The following ZSCAN25 variants were observed in gnomAD, a reference collection of about 807,000 sequenced individuals.
ZSCAN25 encodes the protein zinc finger and SCAN domain containing 25, also known as zinc finger and SCAN domain-containing protein 25.
In ZSCAN25, 27 loss-of-function variants were observed where a neutral mutation model predicts 38.7. The ratio of observed to expected loss-of-function variants is 0.70; its 90% CI spans 0.51 to 0.96. ZSCAN25 has a LOEUF of 0.96. Ranked by LOEUF, ZSCAN25 falls within the 40% of genes least tolerant of loss-of-function variation. The probability of loss-of-function intolerance (pLI) is 0.00; values close to 1 mark genes in which losing one functional copy is unlikely to be tolerated. For synonymous variants in ZSCAN25, 273 were observed against 277.7 expected, an observed-to-expected ratio of 0.98 and a Z score of 0.17; for missense variants, 637 against 705.9, an observed-to-expected ratio of 0.90 and a Z score of 1.11.
the ZSCAN25 span, among the ~76,000 whole-genome samples, chr7:99,693,028 T>C: frequency 6.6e-6 from 1 of 152,232 alleles, no homozygotes; most frequent in Non-Finnish European, 1.5e-5. Context: ...CCCATCTTTA[T>C]GGTTTTATCT....
chr7:99,685,369 AGGGAG>A, the ZSCAN25 span: 1 of 1,180,316 alleles, frequency 8.5e-7, no homozygotes, highest in Non-Finnish European at 1.2e-6. Context: ...GTGGAAATTC[AGGGAG>A]GTAAAGCAAG....
At chr7:99,617,298 G>A (rs1466763275) in intron 1 of ZSCAN25, among the ~76,000 whole-genome samples, 1 of 152,226 alleles carries the variant, frequency 6.6e-6, no homozygotes, top group East Asian at 1.9e-4. Flanking sequence ...GGCTGGCCAC[G>A]AACCCGAAGA....
At chr7:99,674,667 C>T in the ZSCAN25 span, 5,024 of 1,196,904 alleles carry the variant, frequency 4.2e-3, 20 homozygotes, top group African/African-American at 0.016. Context: ...AAAACAGTTG[C>T]GTCCAATGAA....
the ZSCAN25 span, among the ~76,000 whole-genome samples, chr7:99,730,372 A>G: frequency 1.3e-5 from 2 of 152,238 alleles, no homozygotes; most frequent in South Asian, 4.1e-4. Context: ...TCTCAGTTAC[A>G]TCCACTCCCT....
chr7:99,688,805 A>G, the ZSCAN25 span, among the ~76,000 whole-genome samples: 1 of 152,256 alleles, frequency 6.6e-6, no homozygotes, highest in African/African-American at 2.4e-5. Context: ...AACAGAAATT[A>G]TAACAAACTG....
Position 99,629,065 on chromosome 7 carries a change from TTGAG to T in ZSCAN25, c.806-125_806-122del. 1.5e-6 allele frequency: 2 copies of T among 1,303,778 alleles called. No individual in the cohort carries two copies. Among genetic ancestry groups the T allele is most frequent in the South Asian group, 1.6e-5 (1 of 61,392 alleles). The allele number at this position is 1,303,778 out of a possible 1,614,324, so 80.8% of individuals were successfully genotyped here. ...GAAAAAGAAGTAAGGAAAGCCTGAGTTGAGGTTGTTGGTCAAAGGAAAAAAGAGA... is the reference window on the plus strand; with the variant it reads ...GAAAAAGAAGTAAGGAAAGCCTGAGTGTTGTTGGTCAAAGGAAAAAAGAGA... On this transcript the variant is annotated intron_variant, in intron 7 of 7. Coordinates refer to ENST00000394152, the MANE Select transcript of ZSCAN25 (RefSeq NM_145115.3). The surrounding 1 kb of genome is among the most constrained non-coding windows in gnomAD (Gnocchi z 5.6).
In ZSCAN25 at chr7:99,629,329, G is replaced by C. The variant is rs377568906; in HGVS notation, c.944G>C (p.Gly315Ala). 2.5e-6 allele frequency: 4 copies of C among 1,614,160 alleles called. No individual in the cohort carries two copies. In the Admixed American group the frequency reaches 5.0e-5, roughly 20 times the overall value. ...GGAAGGGTCTGTGAGCAGGAGCCTGGTGGCCCTGCAGGCAGTGCGCCTGGG... is the reference window on the plus strand; with the variant it reads ...GGAAGGGTCTGTGAGCAGGAGCCTGCTGGCCCTGCAGGCAGTGCGCCTGGG... ...GLGRVCEQEP[G>A]GPAGSAPGLP... The change falls in exon 8 of 8, where the codon GGT (glycine) becomes GCT (alanine). Residue 315 changes from glycine (G) to alanine (A), a missense_variant. Physicochemically the swap from Gly to Ala is moderately conservative, Grantham distance 60. Coordinates refer to ENST00000394152, the MANE Select transcript of ZSCAN25 (RefSeq NM_145115.3). This position sits in a 1 kb window ranked among gnomAD's most constrained non-coding sequence, Gnocchi z 5.6.
the ZSCAN25 span, among the ~76,000 whole-genome samples, chr7:99,726,876 C>T: frequency 6.6e-6 from 1 of 152,222 alleles, no homozygotes; most frequent in Non-Finnish European, 1.5e-5. Context: ...CATAATTCTT[C>T]ATGAAAACAC....
chr7:99,682,285 G>A, the ZSCAN25 span, among the ~76,000 whole-genome samples: 21 of 152,210 alleles, frequency 1.4e-4, no homozygotes, highest in East Asian at 3.3e-3. Flanking sequence ...TCAGTCTTTC[G>A]TCCACCTTGA....
chr7:99,651,230 TG>T, the ZSCAN25 span, among the ~76,000 whole-genome samples: 1 of 152,220 alleles, frequency 6.6e-6, no homozygotes, highest in African/African-American at 2.4e-5. Context: ...AACATGTACT[TG>T]TGTATATGTC....
At position 99,630,182 on chromosome 7, in the gene ZSCAN25, A is replaced by C; in HGVS notation, c.*162A>C. 7.1e-7 allele frequency: 1 copy of C among 1,402,914 alleles called. No individual in the cohort carries two copies. Among genetic ancestry groups the C allele is most frequent in the Non-Finnish European group, 9.2e-7 (1 of 1,084,268 alleles). 86.9% of individuals were successfully genotyped at this position (1,402,914 alleles called of 1,614,324 possible). A position where few individuals can be genotyped will look rare whatever the true frequency, so the allele number is the denominator to read the frequency against. On this transcript the variant is annotated 3_prime_UTR_variant, in exon 8 of 8. Transcript: ENST00000394152. ...GGCTTACTTAGAGCTTCCAGAGAGC[A>C]TAGCTGCTTCCATCTCTTACCCAAG...
At chr7:99,633,239 T>C (rs760527325), downstream of ZSCAN25, among the ~76,000 whole-genome samples, 1 of 152,272 alleles carries the variant, frequency 6.6e-6, no homozygotes, top group Non-Finnish European at 1.5e-5. Context: ...TAGAAGTGTT[T>C]AGTGGTGTAA....
the ZSCAN25 span, among the ~76,000 whole-genome samples, chr7:99,682,499 C>T: frequency 7.9e-5 from 12 of 152,184 alleles, no homozygotes; most frequent in Non-Finnish European, 1.0e-4. Flanking sequence ...TGTTTTTATA[C>T]AAGTACCATA....
the ZSCAN25 span, chr7:99,638,280 C>T: frequency 1.2e-6 from 2 of 1,604,242 alleles, no homozygotes; most frequent in Non-Finnish European, 1.7e-6. Context: ...GAGCCCCTCA[C>T]AGAGTCCGTC....
At chr7:99,701,040 C>G in the ZSCAN25 span, among the ~76,000 whole-genome samples, 1 of 152,136 alleles carries the variant, frequency 6.6e-6, no homozygotes, top group Non-Finnish European at 1.5e-5. Context: ...GAAGAACACC[C>G]AACCACCCTG....
At chr7:99,730,054 C>A in the ZSCAN25 span, among the ~76,000 whole-genome samples, 1 of 152,144 alleles carries the variant, frequency 6.6e-6, no homozygotes, top group East Asian at 1.9e-4. Flanking sequence ...GTATGCAGGT[C>A]AGATTGTCTA....
At chr7:99,737,556 C>T in the ZSCAN25 span, among the ~76,000 whole-genome samples, 1 of 152,102 alleles carries the variant, frequency 6.6e-6, no homozygotes, top group African/African-American at 2.4e-5. Context: ...ATTCCAGTGT[C>T]ATCTGATAAC....
At chr7:99,722,498 A>G in the ZSCAN25 span, 1 of 962,894 alleles carries the variant, frequency 1.0e-6, no homozygotes, top group Non-Finnish European at 1.5e-6. Flanking sequence ...GAGAAAGGAA[A>G]CAAAATAGAG....
At chr7:99,648,625 ACT>A in the ZSCAN25 span, among the ~76,000 whole-genome samples, 1 of 150,828 alleles carries the variant, frequency 6.6e-6, no homozygotes, top group African/African-American at 2.4e-5. Context: ...TGGAGCACTG[ACT>A]CTGTGCCAGG....
Sources: gnomAD v4.1 joint callset for allele counts (sites outside exome capture counted in the v4.1 genomes callset) on GRCh38, gnomAD v4.1.1 for gene constraint, Gnocchi (gnomAD v3.1) non-coding constraint, MANE v1.5 for transcripts, NCBI Gene and HGNC (gene_info 2026-07-23, HGNC 2026-07-21) for gene names.